Variants in INPP5A observed in about 807,000 individuals in gnomAD.
The protein encoded by INPP5A is inositol polyphosphate-5-phosphatase A.
Under a neutral mutation model 65.2 loss-of-function variants are expected in INPP5A, and 14 were observed. The observed-to-expected ratio is 0.21, with a 90% CI of 0.14 to 0.34. The LOEUF (loss-of-function observed/expected upper bound fraction) is 0.34, where lower values mean the gene tolerates loss of function less well. Ranked by LOEUF, INPP5A falls within the 10% of genes least tolerant of loss-of-function variation. The pLI, the probability that INPP5A is intolerant of heterozygous loss-of-function variation, is 1.00. For synonymous variants in INPP5A, 207 were observed against 208.3 expected (o/e 0.99, Z 0.05); for missense variants, 431 against 545.6 (o/e 0.79, Z 2.09).
chr10:132,721,687 G>C (rs1421073745), intron 8 of INPP5A, among the ~76,000 whole-genome samples: 12 of 133,998 alleles, frequency 9.0e-5, no homozygotes, highest in South Asian at 2.4e-4. Context: ...CAGCTGTCTT[G>C]CGGGTTCTGT....
chr10:132,539,552 C>T (rs1169407307), intron 1 of INPP5A, among the ~76,000 whole-genome samples: 3 of 150,778 alleles, frequency 2.0e-5, no homozygotes, highest in African/African-American at 7.3e-5. Context: ...TCCCCAGAGG[C>T]AGGCCGGTCT....
chr10:132,570,667 C>CT lies in INPP5A; in HGVS notation c.75+32508dup, dbSNP rs370433696. Among the ~76,000 whole-genome samples, 459 of 147,016 alleles carry CT rather than the reference C, an allele frequency of 3.1e-3. 2 individuals are homozygous for CT. The highest frequency in any genetic ancestry group is 4.5e-3 in the Admixed American group (66 of 14,716). ...TCTTGTGTTTCTAAGTACCAAAACACTTTTTTTTTTTTGTAAGAATTCCAG... is the reference window on the plus strand; with the variant it reads ...TCTTGTGTTTCTAAGTACCAAAACACTTTTTTTTTTTTTGTAAGAATTCCAG... On this transcript the variant is annotated intron_variant, in intron 1 of 15. Coordinates refer to ENST00000368594, the MANE Select transcript of INPP5A (RefSeq NM_005539.5).
intron 3 of INPP5A, among the ~76,000 whole-genome samples, chr10:132,647,717 G>A (rs1480398355): frequency 6.6e-6 from 1 of 152,102 alleles, no homozygotes; most frequent in African/African-American, 2.4e-5. Context: ...AGGGTGGGTG[G>A]GGACATGGGC....
chr10:132,678,515 G>C lies in INPP5A; in HGVS notation c.307-11877G>C, dbSNP rs575365125. Among the ~76,000 whole-genome samples, 1 of 152,148 alleles carries C rather than the reference G, an allele frequency of 6.6e-6. No individual in the cohort carries two copies. The highest frequency in any genetic ancestry group is 1.9e-4 in the East Asian group (1 of 5,196). ...CGGGAGCACCGTGAACCTGTGCCTT[G>C]GGTTGTGCTTTGAGACCTGAGCTGA... On this transcript the variant is annotated intron_variant, in intron 4 of 15. Transcript: ENST00000368594. This position sits in a 1 kb window ranked among gnomAD's most constrained non-coding sequence, Gnocchi z 4.1.
chr10:132,656,736 AT>A (rs1293476565), intron 4 of INPP5A, among the ~76,000 whole-genome samples: 1 of 152,010 alleles, frequency 6.6e-6, no homozygotes, highest in Non-Finnish European at 1.5e-5. Flanking sequence ...TCCTGAGAGG[AT>A]TTTTCACATG....
chr10:132,633,057 G>C (rs901072314), intron 2 of INPP5A, among the ~76,000 whole-genome samples: 4 of 152,212 alleles, frequency 2.6e-5, no homozygotes, highest in Non-Finnish European at 5.9e-5. Context: ...CCATGGAGGA[G>C]GCCTCTGTCC....
At chr10:132,552,632 T>C (rs1409902302) in intron 1 of INPP5A, among the ~76,000 whole-genome samples, 36 of 136,192 alleles carry the variant, frequency 2.6e-4, no homozygotes, top group Non-Finnish European at 4.7e-4. Flanking sequence ...GAAGGGAGGA[T>C]TGGTGAACAC....
At chr10:132,543,359 G>A (rs550561968) in intron 1 of INPP5A, among the ~76,000 whole-genome samples, 9 of 152,136 alleles carry the variant, frequency 5.9e-5, no homozygotes, top group East Asian at 1.9e-4. Flanking sequence ...TTCACTGAGC[G>A]TATGTAAAAG....
At chr10:132,672,452 C>T (rs558531653) in intron 4 of INPP5A, among the ~76,000 whole-genome samples, 6 of 152,250 alleles carry the variant, frequency 3.9e-5, no homozygotes, top group East Asian at 1.9e-4. Context: ...ATGGTGTTCT[C>T]ATGGTGGTGG....
chr10:132,701,058 A>G lies in INPP5A; in HGVS notation c.474+3139A>G, dbSNP rs577310658. ...TCATGAAGGATGAATTAATTCCACT[A>G]ATGCTCTGAGCGGGCCTTCGGCGTG... On this transcript the variant is annotated intron_variant, in intron 6 of 15. Transcript: ENST00000368594. Among the ~76,000 whole-genome samples the G allele has an allele frequency of 5.9e-5, 9 of 152,294 alleles. No homozygotes were observed. In the East Asian group the frequency reaches 9.6e-4, roughly 16 times the overall value.
intron 1 of INPP5A, among the ~76,000 whole-genome samples, chr10:132,548,033 G>A (rs1474222678): frequency 1.3e-5 from 2 of 152,082 alleles, no homozygotes; most frequent in Non-Finnish European, 2.9e-5. Flanking sequence ...CTTAGTAGCT[G>A]GGATTACAGG....
intron 4 of INPP5A, among the ~76,000 whole-genome samples, chr10:132,668,471 C>T (rs775846223): frequency 7.9e-5 from 12 of 152,160 alleles, no homozygotes; most frequent in Non-Finnish European, 1.5e-4. Context: ...CCTGTAACCT[C>T]AAACTGTTTC....
At chr10:132,574,628 G>GTATTTTATTTTATTTTATTT (rs66485970) in intron 1 of INPP5A, among the ~76,000 whole-genome samples, 1 of 114,190 alleles carries the variant, frequency 8.8e-6, no homozygotes, top group African/African-American at 3.4e-5. Context: ...TTTTAATTTT[G>GTATTTTATTTTATTTTATTT]TATTTTATTT....
chr10:132,710,505 G>T, intron 8 of INPP5A, 49 bp downstream of exon 8: 3 of 1,593,006 alleles, frequency 1.9e-6, no homozygotes, highest in Admixed American at 1.7e-5. Context: ...TAGGTGTGCT[G>T]GGCAGGCAGG....
rs372009551 is a variant in INPP5A at position 132,627,005 on chromosome 10, G to A, written c.118-18863G>A. Among the ~76,000 whole-genome samples the A allele has an allele frequency of 2.0e-5, 3 of 152,202 alleles. No homozygotes were observed. The highest frequency in any genetic ancestry group is 7.2e-5 in the African/African-American group (3 of 41,450). On this transcript the variant is annotated intron_variant, in intron 2 of 15. Coordinates refer to ENST00000368594, the MANE Select transcript of INPP5A (RefSeq NM_005539.5). The surrounding 1 kb of genome is among the most constrained non-coding windows in gnomAD (Gnocchi z 6.6). ...CCCCAGTGTAATGGTATTGAGGGGG[G>A]TGGGCCCTTTGGGAGGTGATGGGGT... is the stretch of plus-strand genomic sequence containing the variant.
intron 1 of INPP5A, among the ~76,000 whole-genome samples, chr10:132,580,655 A>G (rs553085046): frequency 4.8e-4 from 73 of 152,324 alleles, no homozygotes; most frequent in South Asian, 2.1e-3. Context: ...CACATGTGAG[A>G]TTGTTTTATA....
chr10:132,613,304 C>G (rs2071984766), intron 2 of INPP5A, among the ~76,000 whole-genome samples: 1 of 151,596 alleles, frequency 6.6e-6, no homozygotes, highest in South Asian at 2.1e-4. Context: ...TTCCCGAGTC[C>G]CCCCGCAGGG....
At chr10:132,768,720 G>A (rs1481929757) in intron 12 of INPP5A, among the ~76,000 whole-genome samples, 4 of 152,224 alleles carry the variant, frequency 2.6e-5, no homozygotes, top group African/African-American at 7.2e-5. Flanking sequence ...GCTGGGAGCC[G>A]AGCCGCCATC....
In INPP5A at chr10:132,765,835, G is replaced by A. The variant is rs146736180; in HGVS notation, c.966G>A (p.Ser322=). ...FKDRLYELDI[S]FPPSYPYSED... is the part of the protein sequence containing the mutation. The stretch of plus-strand genomic sequence containing the variant: ...ACAGACTGTATGAACTGGACATCTC[G>A]TTCCCTCCCAGGTATGGAACATGCT... Residue 322 remains serine, a synonymous_variant, in exon 12 of 16, where the codon TCG becomes TCA. Coordinates refer to ENST00000368594, the MANE Select transcript of INPP5A (RefSeq NM_005539.5). The A allele has an allele frequency of 9.4e-6, 15 of 1,597,720 alleles. No homozygotes were observed. The highest frequency in any genetic ancestry group is 2.2e-5 in the East Asian group (1 of 44,802).
Sources: gnomAD v4.1 joint callset for allele counts (sites outside exome capture counted in the v4.1 genomes callset) on GRCh38, gnomAD v4.1.1 for gene constraint, Gnocchi (gnomAD v3.1) non-coding constraint, MANE v1.5 for transcripts, NCBI Gene and HGNC (gene_info 2026-07-23, HGNC 2026-07-21) for gene names.